The following JAK2 variants were observed in gnomAD, a reference collection of about 807,000 sequenced individuals.
JAK2 encodes Janus kinase 2, also known as tyrosine-protein kinase JAK2.
A neutral mutation model predicts 139.3 loss-of-function variants in JAK2; 86 were observed. That is an observed-to-expected ratio of 0.62 (90% CI 0.52 to 0.74). The LOEUF (loss-of-function observed/expected upper bound fraction) is 0.74, where lower values mean the gene tolerates loss of function less well. JAK2 is among the 30% of genes least tolerant of loss of function. The pLI is 0.00. For missense variants in JAK2, 1,421 were observed against 1,360.3 expected, an observed-to-expected ratio of 1.04 and a Z score of -0.70; for synonymous variants, 490 against 437.7, an observed-to-expected ratio of 1.12 and a Z score of -1.49.
chr9:5,009,236 C>G (rs145716979), intron 2 of JAK2, among the ~76,000 whole-genome samples: 1 of 151,988 alleles, frequency 6.6e-6, no homozygotes, highest in African/African-American at 2.4e-5. Flanking sequence ...AAGGAGAGAA[C>G]GATCCATTTA....
At chr9:5,117,753 T>G (rs1020709877) in intron 22 of JAK2, among the ~76,000 whole-genome samples, 1 of 152,074 alleles carries the variant, frequency 6.6e-6, no homozygotes, top group African/African-American at 2.4e-5. Context: ...AAACAAAAGT[T>G]TTTTGGCAAC....
rs541158858 is a variant in JAK2 at position 5,112,573 on chromosome 9, C to T, written c.3060-10431C>T. ...GGCCAATAACGCCAGGGAGCGGCTG[C>T]GGGTCCCTTAAGAGGGCTCTTAAGG... On this transcript the variant is annotated intron_variant, in intron 22 of 24. Transcript: ENST00000381652. The T allele has an allele frequency of 6.8e-4, 456 of 665,766 alleles. 2 individuals are homozygous for T. The African/African-American group carries it at 7.6e-3, about 11-fold the overall frequency. The allele number at this position is 665,766 out of a possible 1,614,324, so 41.2% of individuals were successfully genotyped here. A position where few individuals can be genotyped will look rare whatever the true frequency, so the allele number is the denominator to read the frequency against.
intron 10 of JAK2, 32 bp from the exon 11 acceptor site, chr9:5,068,990 C>T: frequency 8.0e-7 from 1 of 1,252,076 alleles, no homozygotes; most frequent in Non-Finnish European, 1.1e-6. Flanking sequence ...TTGTGACTAT[C>T]CCTCCCTTTC....
chr9:5,020,403 G>T (rs999738331), intron 2 of JAK2, among the ~76,000 whole-genome samples: 1 of 152,176 alleles, frequency 6.6e-6, no homozygotes, highest in Non-Finnish European at 1.5e-5. Flanking sequence ...GTATCCTCAG[G>T]CCCTCCAGTG....
In JAK2 at chr9:5,062,500, TAAAAAAAAAAAAAAA is replaced by T. The variant is rs58424625; in HGVS notation, c.1057-2366_1057-2352del. Among the ~76,000 whole-genome samples the T allele has an allele frequency of 5.8e-4, 34 of 58,248 alleles. 2 individuals carry two copies. The highest frequency in any genetic ancestry group is 3.3e-3 in the African/African-American group (32 of 9,598). 38.2% of individuals were successfully genotyped at this position (58,248 alleles called of 152,430 possible). A position where few individuals can be genotyped will look rare whatever the true frequency, so the allele number is the denominator to read the frequency against. ...AAGTTTGTCAGAAACCTTCCATTTG[TAAAAAAAAAAAAAAA>T]AAAAAAAAAAAAAAAAGGTCATATC... On this transcript the variant is annotated intron_variant, in intron 8 of 24. Transcript: ENST00000381652.
At chr9:4,995,169 T>C (rs1820488840) in intron 2 of JAK2, among the ~76,000 whole-genome samples, 1 of 152,226 alleles carries the variant, frequency 6.6e-6, no homozygotes, top group Non-Finnish European at 1.5e-5. Flanking sequence ...CTTTTTATTC[T>C]CCTTTTTTAG....
At chr9:5,122,720 A>G (rs1030477109) in intron 22 of JAK2, among the ~76,000 whole-genome samples, 6 of 151,992 alleles carry the variant, frequency 3.9e-5, no homozygotes, top group African/African-American at 1.4e-4. Context: ...CTAAAGTTAC[A>G]TACTCCCAGA....
intron 8 of JAK2, among the ~76,000 whole-genome samples, chr9:5,057,645 C>T (rs537417583): frequency 9.1e-5 from 13 of 143,626 alleles, no homozygotes; most frequent in South Asian, 4.3e-4. Flanking sequence ...CACAATGGCG[C>T]GATCTTGGCT....
At chr9:5,041,676 C>T in intron 4 of JAK2, 1 of 511,160 alleles carries the variant, frequency 2.0e-6, no homozygotes, top group South Asian at 1.5e-5. Flanking sequence ...CTCCAGCTAC[C>T]TCTTCGACCG....
intron 8 of JAK2, among the ~76,000 whole-genome samples, chr9:5,062,051 C>A (rs1042936198): frequency 5.3e-5 from 8 of 152,108 alleles, no homozygotes; most frequent in Admixed American, 4.6e-4. Flanking sequence ...TTATATAGGC[C>A]CAGTGTGTGG....
At chr9:5,095,834 A>G (rs963026581) in intron 22 of JAK2, among the ~76,000 whole-genome samples, 31 of 152,186 alleles carry the variant, frequency 2.0e-4, no homozygotes, top group Non-Finnish European at 2.9e-5. Flanking sequence ...ACCATTATAA[A>G]TCTGATTGTT....
intron 4 of JAK2, among the ~76,000 whole-genome samples, chr9:5,032,242 G>A (rs1823214700): frequency 6.6e-6 from 1 of 152,232 alleles, no homozygotes. Context: ...GGTAAACAAA[G>A]CAGCCAGGAA....
intron 12 of JAK2, among the ~76,000 whole-genome samples, chr9:5,071,290 A>G (rs745785572): frequency 6.6e-6 from 1 of 152,212 alleles, no homozygotes. Context: ...ATTTAGAAAC[A>G]TACAAGGAAA....
chr9:5,041,335 G>T (rs775796363), intron 4 of JAK2: 15 of 687,256 alleles, frequency 2.2e-5, no homozygotes, highest in Non-Finnish European at 3.4e-5. Flanking sequence ...ACAAGAGCTT[G>T]ACAGGTACGG....
chr9:5,087,352 G>A (rs148294438), intron 19 of JAK2, among the ~76,000 whole-genome samples: 1 of 152,196 alleles, frequency 6.6e-6, no homozygotes, highest in African/African-American at 2.4e-5. Flanking sequence ...CACGAGAACA[G>A]CATGGAGGAA....
chr9:4,987,087 C>T (rs529732918), intron 2 of JAK2, among the ~76,000 whole-genome samples: 48 of 152,256 alleles, frequency 3.2e-4, no homozygotes, highest in African/African-American at 1.1e-3. Flanking sequence ...TGGTGTGTAA[C>T]GTATGTACAG....
At chr9:5,004,484 T>C (rs1300664783) in intron 2 of JAK2, among the ~76,000 whole-genome samples, 1 of 152,258 alleles carries the variant, frequency 6.6e-6, no homozygotes, top group Non-Finnish European at 1.5e-5. Flanking sequence ...TTTTTAAGGC[T>C]GAATTATATT....
intron 23 of JAK2, among the ~76,000 whole-genome samples, chr9:5,125,390 T>G (rs1438281933): frequency 6.6e-6 from 1 of 151,406 alleles, no homozygotes; most frequent in Non-Finnish European, 1.5e-5. Context: ...AATTGCTGAG[T>G]AGCATTCCAT....
chr9:5,049,786 T>C (rs1817285371), intron 5 of JAK2, among the ~76,000 whole-genome samples: 1 of 152,236 alleles, frequency 6.6e-6, no homozygotes, highest in African/African-American at 2.4e-5. Context: ...CTATATGTTA[T>C]AGCCTAGTAT....
Sources: gnomAD v4.1 joint callset for allele counts (sites outside exome capture counted in the v4.1 genomes callset) on GRCh38, gnomAD v4.1.1 for gene constraint, MANE v1.5 for transcripts, NCBI Gene and HGNC (gene_info 2026-07-23, HGNC 2026-07-21) for gene names.